PTPRG: variants seen among roughly 807,000 people sequenced by gnomAD.
PTPRG encodes protein tyrosine phosphatase receptor type G.
A neutral mutation model predicts 165.3 loss-of-function variants in PTPRG; 102 were observed. That is an observed-to-expected ratio of 0.62 (90% CI 0.53 to 0.73). PTPRG has a LOEUF of 0.73. Among genes scored for constraint, PTPRG ranks in the 30% least tolerant of loss-of-function variants. The pLI, the probability that PTPRG is intolerant of heterozygous loss-of-function variation, is 0.00. For synonymous variants in PTPRG, 675 were observed against 669.5 expected, an observed-to-expected ratio of 1.01 and a Z score of -0.13; for missense variants, 1,866 against 1,861.4, an observed-to-expected ratio of 1.00 and a Z score of -0.05.
intron 2 of PTPRG, among the ~76,000 whole-genome samples, chr3:61,925,117 A>G (rs1437354796): frequency 6.6e-6 from 1 of 152,240 alleles, no homozygotes; most frequent in Non-Finnish European, 1.5e-5. Flanking sequence ...ATTTTGTCAT[A>G]GCGGCTCAAG....
intron 8 of PTPRG, among the ~76,000 whole-genome samples, chr3:62,187,920 G>A (rs77625210): frequency 0.012 from 1,847 of 152,220 alleles, 15 homozygotes; most frequent in Middle Eastern, 0.041. Flanking sequence ...AGGTGATCCT[G>A]TTAGAGCGAG....
chr3:61,569,115 G>A (rs9839355), intron 1 of PTPRG, among the ~76,000 whole-genome samples: 11,809 of 152,140 alleles, frequency 0.078, 547 homozygotes, highest in African/African-American at 0.13. Context: ...GTTGATGAGA[G>A]TTGCCATACT....
At position 61,751,773 on chromosome 3, in the gene PTPRG, G is replaced by A. The variant is rs371700004; in HGVS notation, c.190+2791G>A. On this transcript the variant is annotated intron_variant, in intron 2 of 29. Coordinates refer to ENST00000474889, the MANE Select transcript of PTPRG (RefSeq NM_002841.4). ...TGGGAGGCCGAGGTGGGCGGATCGC[G>A]AGGTCAGGAGATCGAGACCATCCTG... is the stretch of plus-strand genomic sequence containing the variant. Among the ~76,000 whole-genome samples the A allele has an allele frequency of 1.7e-3, 264 of 152,198 alleles. 1 individual carries two copies. The highest frequency in any genetic ancestry group is 6.1e-3 in the African/African-American group (252 of 41,530).
At position 62,191,556 on chromosome 3, in the gene PTPRG, A is replaced by G; in HGVS notation, c.1121A>G (p.Tyr374Cys). Residue 374 changes from tyrosine to cysteine, a missense_variant, in exon 9 of 30, where the codon TAC (tyrosine) becomes TGC (cysteine). Tyr to Cys is a radical substitution (Grantham distance 194, BLOSUM62 -2). Transcript: ENST00000474889. ...TCCTGGAGCCAGCCGGAGACTATCTACCACCCACCCATCATGAACTACATG... is the reference window on the plus strand; with the variant it reads ...TCCTGGAGCCAGCCGGAGACTATCTGCCACCCACCCATCATGAACTACATG... ...QVSWSQPETI[Y>C]HPPIMNYMIS... is the part of the protein sequence containing the mutation. The G allele has an allele frequency of 2.5e-6, 4 of 1,614,112 alleles. No homozygotes were observed. Among genetic ancestry groups the G allele is most frequent in the Non-Finnish European group, 3.4e-6 (4 of 1,180,004 alleles).
chr3:62,036,193 CAG>C (rs1392439962), intron 4 of PTPRG, among the ~76,000 whole-genome samples: 2 of 152,082 alleles, frequency 1.3e-5, no homozygotes, highest in Non-Finnish European at 2.9e-5. Context: ...TAAGCTGAGC[CAG>C]AGTTTTGTTG....
chr3:61,572,839 C>A (rs1700088243), intron 1 of PTPRG, among the ~76,000 whole-genome samples: 2 of 152,214 alleles, frequency 1.3e-5, no homozygotes, highest in Non-Finnish European at 2.9e-5. Flanking sequence ...TTACAATACT[C>A]AGCTGGTCCC....
chr3:61,781,931 A>G (rs1025504389), intron 2 of PTPRG, among the ~76,000 whole-genome samples: 2 of 141,598 alleles, frequency 1.4e-5, no homozygotes, highest in Admixed American at 7.3e-5. Flanking sequence ...GGATACTACT[A>G]TGTTTCCCAG....
chr3:62,259,765 C>T (rs1318601543), intron 16 of PTPRG, among the ~76,000 whole-genome samples: 1 of 152,086 alleles, frequency 6.6e-6, no homozygotes, highest in Non-Finnish European at 1.5e-5. Flanking sequence ...GGGGCAAATG[C>T]AGTCATTTTG....
rs1364005600 is a variant in PTPRG at position 61,900,211 on chromosome 3, TATC to T, written c.191-89413_191-89411del. On this transcript the variant is annotated intron_variant, in intron 2 of 29. Transcript: ENST00000474889. ...AACACAAGGTTGTAATGTCGTCGTT[TATC>T]TGTATCATCGTTAAAAAATAATGCT... Among the ~76,000 whole-genome samples the T allele has an allele frequency of 3.9e-5, 6 of 152,184 alleles. No individual in the cohort carries two copies. The East Asian group carries it at 5.8e-4, about 15-fold the overall frequency.
chr3:61,970,291 T>C (rs914051830), intron 2 of PTPRG, among the ~76,000 whole-genome samples: 6 of 152,222 alleles, frequency 3.9e-5, no homozygotes, highest in African/African-American at 4.8e-5. Context: ...GTCTGTGTTT[T>C]AGTGTCAGGA....
At chr3:61,883,398 G>A (rs868727091) in intron 2 of PTPRG, among the ~76,000 whole-genome samples, 20 of 152,050 alleles carry the variant, frequency 1.3e-4, no homozygotes, top group African/African-American at 4.8e-5. Context: ...CAAAAGTCCT[G>A]TCCTCCAGAA....
chr3:61,919,947 C>A (rs2107558671), intron 2 of PTPRG, among the ~76,000 whole-genome samples: 1 of 152,220 alleles, frequency 6.6e-6, no homozygotes, highest in Admixed American at 6.5e-5. Flanking sequence ...ATTGGTTACC[C>A]AAGAGAAGAA....
intron 2 of PTPRG, chr3:61,769,629 T>C (rs1248652325): frequency 6.6e-6 from 1 of 152,098 alleles, no homozygotes. Context: ...TTTTCAGTAA[T>C]AAGGAATTGA....
intron 1 of PTPRG, among the ~76,000 whole-genome samples, chr3:61,747,459 C>T (rs895249548): frequency 9.2e-5 from 14 of 152,080 alleles, no homozygotes; most frequent in African/African-American, 3.4e-4. Flanking sequence ...TCTTTGAGGA[C>T]CAATGAGCAG....
At chr3:62,234,360 T>A (rs1206212546) in intron 14 of PTPRG, among the ~76,000 whole-genome samples, 20 of 152,210 alleles carry the variant, frequency 1.3e-4, no homozygotes, top group Admixed American at 1.3e-3. Flanking sequence ...GAAAATTTAT[T>A]GGCTGTATCA....
intron 14 of PTPRG, among the ~76,000 whole-genome samples, chr3:62,235,734 C>A (rs1701016956): frequency 1.3e-5 from 2 of 152,320 alleles, no homozygotes; most frequent in South Asian, 4.1e-4. Flanking sequence ...GCCATCTCTC[C>A]TATTCATGTG....
At chr3:61,809,197 G>GAAC (rs1175455714) in intron 2 of PTPRG, among the ~76,000 whole-genome samples, 1 of 151,342 alleles carries the variant, frequency 6.6e-6, no homozygotes, top group East Asian at 1.9e-4. Flanking sequence ...GTTACAAAAT[G>GAAC]AATAAGCAGC....
intron 5 of PTPRG, among the ~76,000 whole-genome samples, chr3:62,089,031 G>A (rs892249730): frequency 6.6e-6 from 1 of 152,140 alleles, no homozygotes; most frequent in African/African-American, 2.4e-5. Context: ...ATTCTCTTTT[G>A]ATTTTGTTGT....
intron 1 of PTPRG, among the ~76,000 whole-genome samples, chr3:61,590,536 T>C (rs564829722): frequency 6.6e-6 from 1 of 151,526 alleles, no homozygotes; most frequent in Admixed American, 6.6e-5. Context: ...AAAAAAAAAG[T>C]ATAATACATA....
Sources: allele counts gnomAD v4.1 joint callset (sites outside exome capture counted in the v4.1 genomes callset), GRCh38; gene constraint gnomAD v4.1.1; transcripts MANE v1.5; gene names NCBI Gene and HGNC (gene_info 2026-07-23, HGNC 2026-07-21).